The following MCTP1 variants were observed in gnomAD, a reference collection of about 807,000 sequenced individuals.
The protein encoded by MCTP1 is multiple C2 and transmembrane domain containing 1.
MCTP1 carries 69 observed loss-of-function variants against 120.6 expected under a neutral mutation model. The ratio of observed to expected loss-of-function variants is 0.57; its 90% CI spans 0.47 to 0.70. The LOEUF is 0.70. Among genes scored for constraint, MCTP1 ranks in the 30% least tolerant of loss-of-function variants. MCTP1 has a pLI of 0.00. For synonymous variants in MCTP1, 529 were observed against 493.1 expected (o/e 1.07, Z -0.96); for missense variants, 1,203 against 1,248.8 (o/e 0.96, Z 0.55).
Position 94,888,917 on chromosome 5 carries a change from AC to A in MCTP1, c.1894del (p.Val632SerfsTer7). The A allele has an allele frequency of 6.2e-7, 1 of 1,613,942 alleles. No individual in the cohort carries two copies. Among genetic ancestry groups the A allele is most frequent in the South Asian group, 1.1e-5 (1 of 91,080 alleles). On this transcript the variant is annotated frameshift_variant, in exon 12 of 23. Coordinates refer to ENST00000515393, the MANE Select transcript of MCTP1 (RefSeq NM_024717.7). LOFTEE classifies it high-confidence loss of function. ...LKDVGFLQVKVIRAEGLMAAD... is the reference protein window; with the variant it reads ...LKDVGFLQVKXIRAEGLMAAD... ...AGCCATTAACCCTTCCGCTCTGATG[AC>A]TTTCACCTGGAGAAATCCCACATCT... is the stretch of plus-strand genomic sequence containing the variant.
intron 1 of MCTP1, among the ~76,000 whole-genome samples, chr5:95,128,558 A>C (rs1758798809): frequency 6.6e-6 from 1 of 152,242 alleles, no homozygotes; most frequent in South Asian, 2.1e-4. Flanking sequence ...TAAGTGAAAG[A>C]AGCCAGTCAC....
At chr5:94,899,315 G>A (rs762597929) in intron 10 of MCTP1, among the ~76,000 whole-genome samples, 6 of 152,178 alleles carry the variant, frequency 3.9e-5, no homozygotes, top group Non-Finnish European at 8.8e-5. Flanking sequence ...TGTTCGCTTT[G>A]CCTCAGCTGC....
chr5:95,154,182 T>C (rs140711139), intron 1 of MCTP1: 1 of 152,322 alleles, frequency 6.6e-6, no homozygotes, highest in East Asian at 1.9e-4. Context: ...CTGTATCACT[T>C]ATCCAGGAAC....
chr5:95,052,485 T>G (rs1746253602), intron 1 of MCTP1, among the ~76,000 whole-genome samples: 1 of 152,238 alleles, frequency 6.6e-6, no homozygotes, highest in African/African-American at 2.4e-5. Context: ...TTCCTAGGGA[T>G]GTAAGGCTAA....
chr5:95,228,537 T>C (rs1432489121), intron 1 of MCTP1, among the ~76,000 whole-genome samples: 2 of 152,110 alleles, frequency 1.3e-5, no homozygotes, highest in Non-Finnish European at 2.9e-5. Context: ...GGAAGGTTTG[T>C]CAAAATATAT....
rs1017503444 is a variant in MCTP1, at chr5:94,913,120, TATTA to T, written c.1351-148_1351-145del. The stretch of plus-strand genomic sequence containing the variant: ...TTTTTAACTAAAAATAATTATGAAT[TATTA>T]ATTAATTATAAAATTAATAAATTAT... On this transcript the variant is annotated intron_variant, in intron 8 of 22. Transcript: ENST00000515393. The T allele has an allele frequency of 1.9e-3, 593 of 320,214 alleles. 3 individuals are homozygous for T. Among genetic ancestry groups the T allele is most frequent in the African/African-American group, 0.011 (510 of 45,732 alleles). The allele number at this position is 320,214 out of a possible 1,614,324, so 19.8% of individuals were successfully genotyped here. A position where few individuals can be genotyped will look rare whatever the true frequency, so the allele number is the denominator to read the frequency against.
intron 17 of MCTP1, chr5:94,867,312 T>C: frequency 1.3e-6 from 2 of 1,532,506 alleles, no homozygotes; most frequent in Non-Finnish European, 8.7e-7. Context: ...TTCTGGTAAC[T>C]TACAACACAA....
chr5:95,224,937 T>C (rs1383291700), intron 1 of MCTP1, among the ~76,000 whole-genome samples: 1 of 152,222 alleles, frequency 6.6e-6, no homozygotes, highest in Admixed American at 6.5e-5. Flanking sequence ...TCAGCCTCTC[T>C]GCCATGTATA....
At position 94,707,130 on chromosome 5, in the gene MCTP1, A is replaced by G. The variant is rs1754813038; in HGVS notation, c.*366T>C. On this transcript the variant is annotated 3_prime_UTR_variant, in exon 23 of 23. Transcript: ENST00000515393. ...CATTAAAAAAAAACTTTAAAATCAA[A>G]TCGACATTTACAATTGATGTAGATT... 1 of 160,356 alleles carries G rather than the reference A, an allele frequency of 6.2e-6. No individual in the cohort carries two copies. The highest frequency in any genetic ancestry group is 1.4e-5 in the Non-Finnish European group (1 of 73,830). 9.9% of individuals were successfully genotyped at this position (160,356 alleles called of 1,614,324 possible). A position where few individuals can be genotyped will look rare whatever the true frequency, so the allele number is the denominator to read the frequency against.
intron 1 of MCTP1, among the ~76,000 whole-genome samples, chr5:95,231,771 A>G (rs957653097): frequency 3.9e-5 from 6 of 152,200 alleles, no homozygotes; most frequent in African/African-American, 1.4e-4. Context: ...TATATTGTGG[A>G]ATTTTCAACA....
At chr5:94,755,522 A>T (rs1032138482) in intron 19 of MCTP1, among the ~76,000 whole-genome samples, 4 of 152,150 alleles carry the variant, frequency 2.6e-5, no homozygotes, top group Admixed American at 6.6e-5. Context: ...AACTCCGAGG[A>T]CCACGACCAC....
intron 5 of MCTP1, among the ~76,000 whole-genome samples, chr5:94,933,009 T>C (rs1815195430): frequency 6.6e-6 from 1 of 151,942 alleles, no homozygotes; most frequent in African/African-American, 2.4e-5. Flanking sequence ...AAGAATGAAT[T>C]TAGACATTCT....
At chr5:95,278,957 C>T (rs780888363) in intron 1 of MCTP1, among the ~76,000 whole-genome samples, 6 of 145,916 alleles carry the variant, frequency 4.1e-5, no homozygotes, top group South Asian at 2.2e-4. Flanking sequence ...AGCAAAACTC[C>T]GTCTCAAAAA....
intron 1 of MCTP1, among the ~76,000 whole-genome samples, chr5:95,093,792 G>A (rs1228008682): frequency 6.6e-6 from 1 of 152,154 alleles, no homozygotes; most frequent in Non-Finnish European, 1.5e-5. Context: ...ACAGGATTGT[G>A]ACTATAGCAA....
At chr5:95,230,695 C>T (rs1411622883) in intron 1 of MCTP1, among the ~76,000 whole-genome samples, 3 of 152,152 alleles carry the variant, frequency 2.0e-5, no homozygotes, top group Non-Finnish European at 1.5e-5. Flanking sequence ...ACATGTTTAG[C>T]GTTCTGATAA....
intron 19 of MCTP1, among the ~76,000 whole-genome samples, chr5:94,735,113 T>A (rs1763928223): frequency 6.6e-6 from 1 of 152,186 alleles, no homozygotes; most frequent in African/African-American, 2.4e-5. Flanking sequence ...GTAATTTTGG[T>A]ACTTACTGCC....
At chr5:94,787,510 G>A (rs1777974268) in intron 18 of MCTP1, among the ~76,000 whole-genome samples, 1 of 150,516 alleles carries the variant, frequency 6.6e-6, no homozygotes, top group African/African-American at 2.5e-5. Context: ...ACTTACAAGG[G>A]AACTCTTCAA....
At chr5:94,819,383 G>A (rs868500259) in intron 17 of MCTP1, among the ~76,000 whole-genome samples, 4 of 151,944 alleles carry the variant, frequency 2.6e-5, no homozygotes, top group African/African-American at 7.3e-5. Context: ...CGATTGCCTC[G>A]GCCTCTCAAA....
chr5:95,012,529 C>G (rs1234132918), intron 2 of MCTP1, among the ~76,000 whole-genome samples: 1 of 152,142 alleles, frequency 6.6e-6, no homozygotes, highest in Non-Finnish European at 1.5e-5. Flanking sequence ...TCAAGTCTAT[C>G]AGCACCATTT....
Sources: allele counts gnomAD v4.1 joint callset (sites outside exome capture counted in the v4.1 genomes callset), GRCh38; gene constraint gnomAD v4.1.1; transcripts MANE v1.5; gene names NCBI Gene and HGNC (gene_info 2026-07-23, HGNC 2026-07-21).